KLHL3: variants seen among roughly 807,000 people sequenced by gnomAD.
KLHL3 encodes the protein kelch like family member 3, also known as kelch-like protein 3.
In KLHL3, 19 loss-of-function variants were observed where a neutral mutation model predicts 70.5. The observed-to-expected ratio is 0.27, with a 90% CI of 0.19 to 0.40. The LOEUF is 0.40. Among genes scored for constraint, KLHL3 ranks in the 10% least tolerant of loss-of-function variants. The pLI is 1.00. For synonymous variants in KLHL3, 258 were observed against 290.3 expected, an observed-to-expected ratio of 0.89 and a Z score of 1.13; for missense variants, 512 against 771.1, an observed-to-expected ratio of 0.66 and a Z score of 3.98.
At chr5:137,732,889 T>C (rs1384564926) in intron 1 of KLHL3, among the ~76,000 whole-genome samples, 1 of 152,156 alleles carries the variant, frequency 6.6e-6, no homozygotes. Flanking sequence ...CTGAAAAAAA[T>C]GTGACACACT....
rs387907156 is a variant in KLHL3 at position 137,637,338 on chromosome 5, G to A, written c.1277C>T (p.Pro426Leu). 3.1e-6 allele frequency: 5 copies of A among 1,614,072 alleles called. No homozygotes were observed. The highest frequency in any genetic ancestry group is 1.3e-5 in the African/African-American group (1 of 75,046). Residue 426 changes from proline (P) to leucine (L), a missense_variant, in exon 11 of 15, where the codon CCG becomes CTG. Transcript: ENST00000309755. ...YKTNEWFFVA[P>L]MNTRRSSVGV... ...CACACTGCTCCGCCGCGTGTTCATC[G>A]GGGCCACAAAGAACCACTCGTTGGT...
At chr5:137,640,651 T>C (rs1053477979) in intron 8 of KLHL3, among the ~76,000 whole-genome samples, 1 of 152,152 alleles carries the variant, frequency 6.6e-6, no homozygotes, top group Non-Finnish European at 1.5e-5. Context: ...AGAGAACACA[T>C]GTAAGTGGCC....
rs745432583 is a variant in KLHL3 at position 137,619,823 on chromosome 5, T to C, written c.*2275A>G. 6 of 152,598 alleles carry C rather than the reference T, an allele frequency of 3.9e-5. No homozygotes were observed. The highest frequency in any genetic ancestry group is 6.5e-5 in the Admixed American group (1 of 15,276). The allele number at this position is 152,598 out of a possible 1,614,324, so 9.5% of individuals were successfully genotyped here. ...TCCAAAAACAGAAAACATGACTGGC[T>C]AGCTTTCAGTGGAGGGACCCTTCCC... On this transcript the variant is annotated 3_prime_UTR_variant, in exon 15 of 15. Coordinates refer to ENST00000309755, the MANE Select transcript of KLHL3 (RefSeq NM_017415.3).
chr5:137,652,668 G>T (rs562914830), intron 8 of KLHL3, among the ~76,000 whole-genome samples: 128 of 152,304 alleles, frequency 8.4e-4, no homozygotes, highest in African/African-American at 2.9e-3. Flanking sequence ...AGGGGAAGGG[G>T]TTGGCTGGGA....
chr5:137,712,363 A>C (rs1752810775), intron 2 of KLHL3, among the ~76,000 whole-genome samples: 1 of 152,192 alleles, frequency 6.6e-6, no homozygotes, highest in Non-Finnish European at 1.5e-5. Flanking sequence ...CAAGGGAATG[A>C]AGAATAAAGA....
intron 5 of KLHL3, among the ~76,000 whole-genome samples, chr5:137,686,943 C>G (rs1291184192): frequency 1.1e-4 from 1 of 8,746 alleles, no homozygotes; most frequent in Non-Finnish European, 2.3e-4. Context: ...CCCCTCTGCC[C>G]GGCCAGCCGC....
chr5:137,652,532 G>A (rs1363877493), intron 8 of KLHL3, among the ~76,000 whole-genome samples: 1 of 152,168 alleles, frequency 6.6e-6, no homozygotes, highest in African/African-American at 2.4e-5. Context: ...TGAACCTGGA[G>A]GACATTACGT....
chr5:137,687,054 C>G (rs1312790603), intron 5 of KLHL3, among the ~76,000 whole-genome samples: 27 of 99,590 alleles, frequency 2.7e-4, no homozygotes, highest in Non-Finnish European at 3.5e-4. Context: ...CCAGCCGCCC[C>G]GTCCGGGAGG....
intron 7 of KLHL3, chr5:137,661,697 T>C: frequency 2.2e-6 from 1 of 445,540 alleles, no homozygotes; most frequent in Non-Finnish European, 3.9e-6. Context: ...CCAAAACTAA[T>C]AAGCAGCAGA....
chr5:137,630,085 A>T (rs1750596871), intron 12 of KLHL3: 1 of 152,182 alleles, frequency 6.6e-6, no homozygotes, highest in Non-Finnish European at 1.5e-5. Flanking sequence ...TCTTCAGCCA[A>T]AAACACCCAC....
intron 5 of KLHL3, among the ~76,000 whole-genome samples, chr5:137,683,801 C>T (rs1034312513): frequency 1.3e-5 from 2 of 151,692 alleles, no homozygotes; most frequent in Non-Finnish European, 2.9e-5. Context: ...CACACATGCA[C>T]GCGCACACAC....
At chr5:137,677,061 C>A (rs2149907119) in intron 6 of KLHL3, among the ~76,000 whole-genome samples, 1 of 151,972 alleles carries the variant, frequency 6.6e-6, no homozygotes, top group Non-Finnish European at 1.5e-5. Context: ...TCTAAAGAGT[C>A]TAGAATGTAG....
At chr5:137,633,496 T>A (rs540212895) in intron 12 of KLHL3, among the ~76,000 whole-genome samples, 17 of 152,170 alleles carry the variant, frequency 1.1e-4, no homozygotes, top group Non-Finnish European at 2.1e-4. Flanking sequence ...AATCATTATA[T>A]TAAAAAGACA....
intron 2 of KLHL3, among the ~76,000 whole-genome samples, chr5:137,712,957 G>A (rs562950051): frequency 5.9e-5 from 9 of 151,450 alleles, no homozygotes; most frequent in African/African-American, 2.2e-4. Flanking sequence ...TTTTTCAATT[G>A]TCTGCTTCAC....
intron 6 of KLHL3, among the ~76,000 whole-genome samples, chr5:137,666,821 A>G (rs1296874087): frequency 1.3e-5 from 2 of 152,170 alleles, no homozygotes; most frequent in South Asian, 2.1e-4. Flanking sequence ...AATGTACCCA[A>G]AATGGTTCCC....
At position 137,618,125 on chromosome 5, in the gene KLHL3, C is replaced by T. The variant is rs1187579821; in HGVS notation, c.*3973G>A. Reference sequence around the variant, plus strand: ...GGCTCTCCTGCTTGGTCAGTAGAAACACAGCACAGCTGAACATGAGGGGCT... The same window carrying T: ...GGCTCTCCTGCTTGGTCAGTAGAAATACAGCACAGCTGAACATGAGGGGCT... On this transcript the variant is annotated 3_prime_UTR_variant, in exon 15 of 15. Transcript: ENST00000309755. 6.6e-6 allele frequency: 1 copy of T among 152,572 alleles called. No homozygotes were observed. Among genetic ancestry groups the T allele is most frequent in the Non-Finnish European group, 1.5e-5 (1 of 68,044 alleles). 9.5% of individuals were successfully genotyped at this position (152,572 alleles called of 1,614,324 possible).
Position 137,709,621 on chromosome 5 carries a change from G to A in KLHL3, c.241+129C>T, listed in dbSNP as rs140930756. On this transcript the variant is annotated intron_variant, in intron 3 of 14. Transcript: ENST00000309755. ...CATGGCACAAAGCACACTATCTGGCGTAGAGAAGCCCCTCATAGTGGGCTA... is the reference window on the plus strand; with the variant it reads ...CATGGCACAAAGCACACTATCTGGCATAGAGAAGCCCCTCATAGTGGGCTA... 2.9e-3 allele frequency: 2,097 copies of A among 718,638 alleles called. 35 individuals carry two copies. In the African/African-American group the frequency reaches 0.032, roughly 11 times the overall value. The allele number at this position is 718,638 out of a possible 1,614,324, so 44.5% of individuals were successfully genotyped here. A position where few individuals can be genotyped will look rare whatever the true frequency, so the allele number is the denominator to read the frequency against.
chr5:137,625,316 T>C (rs1355157109), intron 14 of KLHL3, among the ~76,000 whole-genome samples: 2 of 152,262 alleles, frequency 1.3e-5, no homozygotes, highest in African/African-American at 4.8e-5. Flanking sequence ...GCGTATGTCA[T>C]TTAGAACTTG....
chr5:137,735,802 CCTT>C lies in KLHL3; in HGVS notation c.-159_-157del. 1.0e-6 allele frequency: 1 copy of C among 980,200 alleles called. No homozygotes were observed. The allele number at this position is 980,200 out of a possible 1,614,324, so 60.7% of individuals were successfully genotyped here. ...TGAAGCCTCCTCCCTTCTCAATCCTCCTTCCTCTGACTTACTCGCAGCAGCTTC... is the reference window on the plus strand; with the variant it reads ...TGAAGCCTCCTCCCTTCTCAATCCTCCCTCTGACTTACTCGCAGCAGCTTC... On this transcript the variant is annotated 5_prime_UTR_variant, in exon 1 of 15. Coordinates refer to ENST00000309755, the MANE Select transcript of KLHL3 (RefSeq NM_017415.3).
Sources: allele counts gnomAD v4.1 joint callset (sites outside exome capture counted in the v4.1 genomes callset), GRCh38; gene constraint gnomAD v4.1.1; transcripts MANE v1.5; gene names NCBI Gene and HGNC (gene_info 2026-07-23, HGNC 2026-07-21).